RIMS1: variants seen among roughly 807,000 people sequenced by gnomAD.
The protein encoded by RIMS1 is regulating synaptic membrane exocytosis 1, also known as regulating synaptic membrane exocytosis protein 1.
In RIMS1, 83 loss-of-function variants were observed where a neutral mutation model predicts 214.1. That is an observed-to-expected ratio of 0.39 (90% CI 0.32 to 0.47). The LOEUF (loss-of-function observed/expected upper bound fraction) is 0.47. Among genes scored for constraint, RIMS1 ranks in the 20% least tolerant of loss-of-function variants. The pLI is 0.99. For missense variants in RIMS1, 2,050 were observed against 2,161.8 expected (o/e 0.95, Z 1.03); for synonymous variants, 793 against 786.8 (o/e 1.01, Z -0.13).
intron 2 of RIMS1, among the ~76,000 whole-genome samples, chr6:72,030,772 T>C (rs1408089596): frequency 3.3e-5 from 5 of 152,138 alleles, no homozygotes; most frequent in African/African-American, 1.2e-4. Flanking sequence ...AAGGCAAAAT[T>C]TAAGAAACAT....
chr6:72,367,998 G>T (rs1323751346), intron 29 of RIMS1, among the ~76,000 whole-genome samples: 1 of 152,126 alleles, frequency 6.6e-6, no homozygotes, highest in East Asian at 1.9e-4. Flanking sequence ...TGGAATAAAG[G>T]TATAAATGTA....
intron 27 of RIMS1, among the ~76,000 whole-genome samples, chr6:72,310,720 A>G (rs1199036200): frequency 6.6e-6 from 1 of 152,126 alleles, no homozygotes; most frequent in Non-Finnish European, 1.5e-5. Flanking sequence ...TATTTCCATT[A>G]AAATATTAAA....
At chr6:71,889,795 G>A (rs1233785478) in intron 1 of RIMS1, among the ~76,000 whole-genome samples, 5 of 152,176 alleles carry the variant, frequency 3.3e-5, no homozygotes, top group Non-Finnish European at 7.3e-5. Context: ...TTGGAAAACA[G>A]GATTCTTTTA....
At chr6:71,890,713 A>G (rs1391759298) in intron 1 of RIMS1, among the ~76,000 whole-genome samples, 4 of 152,134 alleles carry the variant, frequency 2.6e-5, no homozygotes, top group Admixed American at 6.5e-5. Flanking sequence ...TAAATAGGTA[A>G]CATTTATTGA....
At chr6:71,930,069 G>A (rs1782604193) in intron 1 of RIMS1, among the ~76,000 whole-genome samples, 3 of 152,022 alleles carry the variant, frequency 2.0e-5, no homozygotes, top group South Asian at 4.1e-4. Flanking sequence ...ATGGGAATAA[G>A]GGTGTGAATA....
chr6:72,176,330 T>C (rs982682040), intron 4 of RIMS1, among the ~76,000 whole-genome samples: 24 of 152,250 alleles, frequency 1.6e-4, no homozygotes, highest in Non-Finnish European at 3.1e-4. Flanking sequence ...TACAGCACTC[T>C]TGTATTATCT....
chr6:72,006,563 T>A, intron 2 of RIMS1, among the ~76,000 whole-genome samples: 1 of 152,078 alleles, frequency 6.6e-6, no homozygotes, highest in Non-Finnish European at 1.5e-5. Flanking sequence ...GTAAGGGAAT[T>A]CCCTTTCCTA....
chr6:72,342,701 G>T (rs1280749497), intron 29 of RIMS1, among the ~76,000 whole-genome samples: 15 of 151,388 alleles, frequency 9.9e-5, no homozygotes. Flanking sequence ...ATTTTTCCAG[G>T]TGAAGAGTGG....
chr6:71,954,699 T>C (rs1790646386), intron 1 of RIMS1, among the ~76,000 whole-genome samples: 2 of 152,026 alleles, frequency 1.3e-5, no homozygotes, highest in African/African-American at 4.8e-5. Flanking sequence ...ATTTTTCTTT[T>C]TTTTTTTTAC....
intron 26 of RIMS1, among the ~76,000 whole-genome samples, chr6:72,306,350 A>G (rs1380539595): frequency 6.6e-6 from 1 of 152,100 alleles, no homozygotes; most frequent in African/African-American, 2.4e-5. Flanking sequence ...TATAAAGTAA[A>G]CATAAGTCTC....
At chr6:72,199,455 A>G (rs1277176025) in intron 6 of RIMS1, among the ~76,000 whole-genome samples, 1 of 152,072 alleles carries the variant, frequency 6.6e-6, no homozygotes, top group Non-Finnish European at 1.5e-5. Flanking sequence ...AAAGTTGCTT[A>G]TTGGTTTTCA....
At chr6:72,144,146 A>G (rs2042411584) in intron 4 of RIMS1, among the ~76,000 whole-genome samples, 1 of 152,226 alleles carries the variant, frequency 6.6e-6, no homozygotes, top group Non-Finnish European at 1.5e-5. Context: ...AAAAATGACA[A>G]CTATTCATTA....
chr6:71,891,355 C>T (rs1471429361), intron 1 of RIMS1, among the ~76,000 whole-genome samples: 1 of 152,204 alleles, frequency 6.6e-6, no homozygotes, highest in African/African-American at 2.4e-5. Flanking sequence ...AGAGTATTGA[C>T]TTTGGGCTTC....
intron 26 of RIMS1, among the ~76,000 whole-genome samples, chr6:72,292,637 G>T (rs564348518): frequency 2.3e-4 from 35 of 152,162 alleles, no homozygotes; most frequent in African/African-American, 8.2e-4. Flanking sequence ...TCTGATTTTA[G>T]TAGAAACTAA....
intron 10 of RIMS1, among the ~76,000 whole-genome samples, chr6:72,243,458 G>T (rs186877772): frequency 6.6e-6 from 1 of 151,672 alleles, no homozygotes; most frequent in African/African-American, 2.4e-5. Context: ...CAAAAGTGTT[G>T]TACATTTCCA....
At chr6:71,899,454 A>G (rs1772883972) in intron 1 of RIMS1, among the ~76,000 whole-genome samples, 1 of 151,846 alleles carries the variant, frequency 6.6e-6, no homozygotes, top group African/African-American at 2.4e-5. Context: ...TCACATATAT[A>G]TCTAAGAACT....
At position 72,333,737 on chromosome 6, in the gene RIMS1, T is replaced by G. The variant is rs764505548; in HGVS notation, c.4268T>G (p.Val1423Gly). The part of the protein sequence containing the change: ...GSQSDTAVGT[V>G]GAGGKKRRSS... ...CAGTCAGACACAGCTGTGGGTACAG[T>G]TGGAGCAGGTGGAAAGAAACGGAGA... Residue 1423 changes from valine to glycine, a missense_variant, in exon 29 of 34, where the codon GTT becomes GGT. Val to Gly is a moderately radical substitution (Grantham distance 109). Coordinates refer to ENST00000521978, the MANE Select transcript of RIMS1 (RefSeq NM_014989.7). The G allele has an allele frequency of 1.6e-5, 25 of 1,599,116 alleles. 1 individual carries two copies. In the South Asian group the frequency reaches 2.4e-4, roughly 15 times the overall value.
At chr6:72,016,066 G>C (rs114413490) in intron 2 of RIMS1, among the ~76,000 whole-genome samples, 2 of 152,142 alleles carry the variant, frequency 1.3e-5, no homozygotes, top group Non-Finnish European at 1.5e-5. Context: ...TTGGATGACC[G>C]TGTGGTTTTT....
intron 6 of RIMS1, among the ~76,000 whole-genome samples, chr6:72,232,840 C>T (rs2062520840): frequency 6.6e-6 from 1 of 151,764 alleles, no homozygotes; most frequent in African/African-American, 2.4e-5. Context: ...CATGTACATA[C>T]AATTCTTTAC....
Sources: gnomAD v4.1 joint callset for allele counts (sites outside exome capture counted in the v4.1 genomes callset) on GRCh38, gnomAD v4.1.1 for gene constraint, MANE v1.5 for transcripts, NCBI Gene and HGNC (gene_info 2026-07-23, HGNC 2026-07-21) for gene names.